RBPMS: variants seen among roughly 807,000 people sequenced by gnomAD.
RBPMS encodes the protein RNA-binding protein with multiple splicing.
Under a neutral mutation model 26.8 loss-of-function variants are expected in RBPMS, and 7 were observed. That is an observed-to-expected ratio of 0.26 (90% CI 0.15 to 0.49). RBPMS has a LOEUF of 0.49. RBPMS is among the 20% of genes least tolerant of loss of function. The probability of loss-of-function intolerance (pLI) is 0.98; values close to 1 mark genes in which losing one functional copy is unlikely to be tolerated. For missense variants in RBPMS, 186 were observed against 250.0 expected, an observed-to-expected ratio of 0.74 and a Z score of 1.73; for synonymous variants, 96 against 93.3, an observed-to-expected ratio of 1.03 and a Z score of -0.17.
intron 1 of RBPMS, among the ~76,000 whole-genome samples, chr8:30,412,543 T>C (rs1246816981): frequency 6.6e-6 from 1 of 152,168 alleles, no homozygotes; most frequent in African/African-American, 2.4e-5. Flanking sequence ...CCATGGTTCT[T>C]GCCCTCTCAA....
chr8:30,558,524 A>G (rs1251105515), intron 6 of RBPMS: 2 of 378,206 alleles, frequency 5.3e-6, no homozygotes, highest in East Asian at 5.8e-5. Flanking sequence ...TTAGAAAGCC[A>G]TTAGATAGCC....
At chr8:30,506,956 G>T (rs371727081) in intron 5 of RBPMS, among the ~76,000 whole-genome samples, 2 of 152,186 alleles carry the variant, frequency 1.3e-5, no homozygotes, top group African/African-American at 4.8e-5. Flanking sequence ...AAGAGCTGTC[G>T]TTCCGGGGAG....
At chr8:30,456,846 C>T (rs570655928) in intron 1 of RBPMS, among the ~76,000 whole-genome samples, 79 of 152,220 alleles carry the variant, frequency 5.2e-4, no homozygotes, top group South Asian at 3.9e-3. Context: ...CTTGAAACCC[C>T]GGAGGTGGAG....
intron 4 of RBPMS, among the ~76,000 whole-genome samples, chr8:30,489,051 G>T (rs1185274323): frequency 6.6e-6 from 1 of 152,044 alleles, no homozygotes; most frequent in Non-Finnish European, 1.5e-5. Flanking sequence ...GTTGGTTTTT[G>T]ATTTTTTGTT....
At chr8:30,566,792 T>C (rs559819095) in intron 8 of RBPMS, among the ~76,000 whole-genome samples, 2 of 152,336 alleles carry the variant, frequency 1.3e-5, no homozygotes, top group South Asian at 4.1e-4. Context: ...TTAATCCAGT[T>C]ATACTGCATA....
At chr8:30,508,946 C>A (rs1227197166) in intron 5 of RBPMS, among the ~76,000 whole-genome samples, 2 of 152,144 alleles carry the variant, frequency 1.3e-5, no homozygotes, top group Non-Finnish European at 2.9e-5. Flanking sequence ...TTAGACAGAT[C>A]CTGTCCTTTC....
At position 30,558,948 on chromosome 8, in the gene RBPMS, G is replaced by A. The variant is rs1239142761; in HGVS notation, c.590G>A (p.Ter197=). ...GGCTGGAAGTCCCGTCAGTTCTGCT[G>A]AATACTATGTAAGTACTCGCTTTCC... ...SQGWKSRQFC[*] Residue 197 remains the stop codon, a stop_retained_variant, in exon 7 of 9, where the codon TGA becomes TAA. Transcript: ENST00000397323. The A allele has an allele frequency of 1.9e-6, 3 of 1,613,686 alleles. No individual in the cohort carries two copies. The highest frequency in any genetic ancestry group is 2.5e-6 in the Non-Finnish European group (3 of 1,179,778).
chr8:30,477,877 CT>C, intron 3 of RBPMS, 40 bp downstream of exon 3: 2 of 1,386,396 alleles, frequency 1.4e-6, no homozygotes, highest in South Asian at 1.2e-5. Context: ...CACTTTTTTA[CT>C]TTCCTCAGGA....
At chr8:30,472,531 T>C (rs1817238602) in intron 1 of RBPMS, among the ~76,000 whole-genome samples, 1 of 152,206 alleles carries the variant, frequency 6.6e-6, no homozygotes, top group African/African-American at 2.4e-5. Flanking sequence ...GTTATACATA[T>C]GTCAAAACAT....
chr8:30,518,711 T>TTTTTTTTTTTC (rs1554533817), intron 5 of RBPMS, among the ~76,000 whole-genome samples: 4 of 136,632 alleles, frequency 2.9e-5, no homozygotes, highest in Non-Finnish European at 6.3e-5. Flanking sequence ...TTTTTTTTTT[T>TTTTTTTTTTTC]TTTTCTGAAA....
At chr8:30,496,623 A>T (rs1819988604) in intron 4 of RBPMS, among the ~76,000 whole-genome samples, 1 of 152,208 alleles carries the variant, frequency 6.6e-6, no homozygotes, top group Non-Finnish European at 1.5e-5. Flanking sequence ...CTTATCAGAG[A>T]ACCTGACCCA....
At chr8:30,454,843 G>C (rs779329735) in intron 1 of RBPMS, among the ~76,000 whole-genome samples, 3 of 152,072 alleles carry the variant, frequency 2.0e-5, no homozygotes, top group Non-Finnish European at 4.4e-5. Flanking sequence ...GTTTTTTTGA[G>C]ACAGAGTCTT....
chr8:30,545,890 A>G (rs1236080360), intron 6 of RBPMS, among the ~76,000 whole-genome samples: 1 of 152,190 alleles, frequency 6.6e-6, no homozygotes, highest in Non-Finnish European at 1.5e-5. Context: ...TAGTGAAGAA[A>G]AAAATGTAGG....
At chr8:30,446,805 G>C (rs1563326184) in intron 1 of RBPMS, 61 of 84,902 alleles carry the variant, frequency 7.2e-4, no homozygotes, top group African/African-American at 4.0e-3. Context: ...TTGTGTGTGT[G>C]TGTGTGTGTG....
Position 30,519,458 on chromosome 8 carries a change from CTTTTTTTTTTTTTTTTTTTTTTTTTT to C in RBPMS, c.397+15039_397+15064del, listed in dbSNP as rs36017963. Among the ~76,000 whole-genome samples, 15 of 89,492 alleles carry C rather than the reference CTTTTTTTTTTTTTTTTTTTTTTTTTT, an allele frequency of 1.7e-4. 1 individual carries two copies. In the South Asian group the frequency reaches 2.2e-3, roughly 13 times the overall value. The allele number at this position is 89,492 out of a possible 152,430, so 58.7% of individuals were successfully genotyped here. ...TCACCCTACGTGGGAGGATCTCTCT[CTTTTTTTTTTTTTTTTTTTTTTTTTT>C]TTTTTTTTTTTTTTTTGGAGACGGA... On this transcript the variant is annotated intron_variant, in intron 5 of 8. Coordinates refer to ENST00000397323, the MANE Select transcript of RBPMS (RefSeq NM_001008710.3).
chr8:30,515,147 C>T (rs1211622688), intron 5 of RBPMS, among the ~76,000 whole-genome samples: 2 of 151,926 alleles, frequency 1.3e-5, no homozygotes, highest in Non-Finnish European at 2.9e-5. Flanking sequence ...AATTTTTAAA[C>T]ATTTTGTACA....
intron 1 of RBPMS, among the ~76,000 whole-genome samples, chr8:30,392,195 T>A (rs1807865485): frequency 6.6e-6 from 1 of 152,140 alleles, no homozygotes; most frequent in African/African-American, 2.4e-5. Context: ...GGGATGGAGC[T>A]GTGTCACAGA....
In RBPMS at chr8:30,516,903, T is replaced by TACACACACACAC. The variant is rs139256402; in HGVS notation, c.397+12475_397+12486dup. 3.1e-3 allele frequency among the ~76,000 whole-genome samples: 450 copies of TACACACACACAC among 147,378 alleles called. 4 individuals carry two copies. The highest frequency in any genetic ancestry group is 8.1e-3 in the Admixed American group (118 of 14,504). ...AACATAGCTTGACTCCATCTCTAAA[T>TACACACACACAC]ACACACACACACACACACAGACACA... On this transcript the variant is annotated intron_variant, in intron 5 of 8. Coordinates refer to ENST00000397323, the MANE Select transcript of RBPMS (RefSeq NM_001008710.3).
intron 4 of RBPMS, among the ~76,000 whole-genome samples, chr8:30,498,690 A>C (rs565227236): frequency 6.6e-6 from 1 of 152,336 alleles, no homozygotes; most frequent in South Asian, 2.1e-4. Context: ...GGTATCGGTT[A>C]GCAATTGTGC....
Sources: gnomAD v4.1 joint callset for allele counts (sites outside exome capture counted in the v4.1 genomes callset) on GRCh38, gnomAD v4.1.1 for gene constraint, MANE v1.5 for transcripts, NCBI Gene and HGNC (gene_info 2026-07-23, HGNC 2026-07-21) for gene names.